SNRNP27: variants seen among roughly 807,000 people sequenced by gnomAD.
SNRNP27 encodes the protein small nuclear ribonucleoprotein U4/U6.U5 subunit 27.
A neutral mutation model predicts 25.1 loss-of-function variants in SNRNP27; 22 were observed. The ratio of observed to expected loss-of-function variants is 0.88; its 90% confidence interval spans 0.63 to 1.25. The LOEUF is 1.25. SNRNP27 is among the 50% of genes most tolerant of loss of function. SNRNP27 has a pLI of 0.00. For missense variants in SNRNP27, 150 were observed against 202.3 expected (o/e 0.74, Z 1.57); for synonymous variants, 66 against 64.9 (o/e 1.02, Z -0.08).
At chr2:69,902,788 C>T (rs2104126681) in intron 4 of SNRNP27, among the ~76,000 whole-genome samples, 1 of 151,976 alleles carries the variant, frequency 6.6e-6, no homozygotes, top group East Asian at 1.9e-4. Context: ...TTCTTTTCTT[C>T]TTCTGCTTTT....
At chr2:69,903,433 C>CTAT (rs1676743511) in intron 5 of SNRNP27, 188 bp downstream of exon 5, 2 of 556,568 alleles carry the variant, frequency 3.6e-6, no homozygotes, top group Non-Finnish European at 6.4e-6. Context: ...AAGCTAATAG[C>CTAT]TATTAGAGAG....
intron 2 of SNRNP27, among the ~76,000 whole-genome samples, chr2:69,895,592 G>C (rs1676586589): frequency 6.6e-6 from 1 of 151,928 alleles, no homozygotes; most frequent in South Asian, 2.1e-4. Flanking sequence ...ACCCAGGCTG[G>C]AGTGCAGCGG....
chr2:69,895,206 A>G lies in SNRNP27; in HGVS notation c.147A>G (p.Arg49=), dbSNP rs1256956992. 6.2e-7 allele frequency: 1 copy of G among 1,613,818 alleles called. No individual in the cohort carries two copies. Among genetic ancestry groups the G allele is most frequent in the South Asian group, 1.1e-5 (1 of 91,026 alleles). The change falls in exon 2 of 6, where the codon AGA becomes AGG. Residue 49 remains arginine (R), a synonymous_variant. Transcript: ENST00000244227. ...GCCGCTCGCGATCCCCGCACCGAAGACGCTCCCGGTAAGGGCAGAAAATAA... is the reference window on the plus strand; with the variant it reads ...GCCGCTCGCGATCCCCGCACCGAAGGCGCTCCCGGTAAGGGCAGAAAATAA... ...RRSRSRSPHR[R]RSRSPRRHRS... is the part of the protein sequence containing the mutation.
intron 1 of SNRNP27, among the ~76,000 whole-genome samples, chr2:69,894,662 C>G (rs774664057): frequency 2.6e-5 from 4 of 151,664 alleles, no homozygotes; most frequent in African/African-American, 9.7e-5. Flanking sequence ...GCCCCTGATT[C>G]GTTTTTTTTT....
Position 69,897,719 on chromosome 2 carries a change from G to C in SNRNP27, c.348+263G>C, listed in dbSNP as rs572261130. On this transcript the variant is annotated intron_variant, in intron 4 of 5. Transcript: ENST00000244227. ...GAGGAAGAAGATTATTTCAGGTAGA[G>C]GGAAGAGCTCATGAAAATGCCATGT... 170 of 374,876 alleles carry C rather than the reference G, an allele frequency of 4.5e-4. No homozygotes were observed. The East Asian group carries it at 8.4e-3, about 19-fold the overall frequency. The allele number at this position is 374,876 out of a possible 1,614,324, so 23.2% of individuals were successfully genotyped here.
At chr2:69,903,410 C>A in intron 5 of SNRNP27, 165 bp downstream of exon 5, 2 of 607,974 alleles carry the variant, frequency 3.3e-6, no homozygotes, top group Admixed American at 2.9e-5. Flanking sequence ...AAATTGTTTT[C>A]CCATTTACAT....
At chr2:69,894,117 C>T in intron 1 of SNRNP27, 99 bp downstream of exon 1, 3 of 1,155,634 alleles carry the variant, frequency 2.6e-6, no homozygotes, top group Non-Finnish European at 2.5e-6. Context: ...AGCAGAGAGG[C>T]GGGCCCTTTT....
intron 4 of SNRNP27, among the ~76,000 whole-genome samples, chr2:69,902,242 C>T (rs1676711862): frequency 6.7e-6 from 1 of 149,718 alleles, no homozygotes; most frequent in Non-Finnish European, 1.5e-5. Context: ...CTTCTTTCTT[C>T]TCCTTCCTCC....
At position 69,903,046 on chromosome 2, in the gene SNRNP27, A is replaced by T. The variant is rs1038564575; in HGVS notation, c.349-135A>T. ...CAGTCCCAAACTCCTGGGCTCAAGC[A>T]ATCCTCCCACCTTAGCCTTCCGCCA... On this transcript the variant is annotated intron_variant, in intron 4 of 5. Coordinates refer to ENST00000244227, the MANE Select transcript of SNRNP27 (RefSeq NM_006857.3). The T allele has an allele frequency of 4.2e-6, 3 of 707,398 alleles. No homozygotes were observed. The Admixed American group carries it at 6.3e-5, about 15-fold the overall frequency. The allele number at this position is 707,398 out of a possible 1,614,324, so 43.8% of individuals were successfully genotyped here. A position where few individuals can be genotyped will look rare whatever the true frequency, so the allele number is the denominator to read the frequency against.
At chr2:69,894,976 C>A (rs1006606746) in intron 1 of SNRNP27, 118 bp from the exon 2 acceptor site, 134 of 1,411,222 alleles carry the variant, frequency 9.5e-5, no homozygotes, top group Non-Finnish European at 1.2e-4. Context: ...CCGCTCCCAG[C>A]CTCTTTTTAC....
At chr2:69,903,351 C>T in intron 5 of SNRNP27, 106 bp downstream of exon 5, 1 of 837,782 alleles carries the variant, frequency 1.2e-6, no homozygotes, top group Admixed American at 1.9e-5. Flanking sequence ...GTTTTCCATA[C>T]TGTTCCTTGT....
chr2:69,897,039 G>A (rs866793952), intron 3 of SNRNP27, among the ~76,000 whole-genome samples: 27 of 152,164 alleles, frequency 1.8e-4, no homozygotes, highest in Middle Eastern at 3.4e-3. Context: ...GATATAGAAC[G>A]ATAGTTAAAA....
rs760753173 is a variant in SNRNP27 at position 69,904,391 on chromosome 2, C to CA, written c.*89dup. On this transcript the variant is annotated 3_prime_UTR_variant, in exon 6 of 6. Coordinates refer to ENST00000244227, the MANE Select transcript of SNRNP27 (RefSeq NM_006857.3). ...TTGTATTTTGTATTTAACTTGCATT[C>CA]AAAAAACAGGATCTCAGTTCTCCTT... is the stretch of plus-strand genomic sequence containing the variant. 1.8e-5 allele frequency: 19 copies of CA among 1,034,982 alleles called. No homozygotes were observed. Among genetic ancestry groups the CA allele is most frequent in the Non-Finnish European group, 2.9e-5 (19 of 660,828 alleles). 64.1% of individuals were successfully genotyped at this position (1,034,982 alleles called of 1,614,324 possible).
rs1676571047 is a variant in SNRNP27, at chr2:69,894,854, G to C, written c.35-240G>C. Among the ~76,000 whole-genome samples the C allele has an allele frequency of 2.0e-5, 3 of 152,040 alleles. No homozygotes were observed. The South Asian group carries it at 6.2e-4, about 31-fold the overall frequency. On this transcript the variant is annotated intron_variant, in intron 1 of 5. Transcript: ENST00000244227. ...GTGCCACCACGCCTGGCTAATTTTT[G>C]TATTTTTATTAGAGACGGGGTTTCG... is the stretch of plus-strand genomic sequence containing the variant.
At chr2:69,903,051 T>C (rs1333656511) in intron 4 of SNRNP27, 130 bp from the exon 5 acceptor site, 1 of 581,664 alleles carries the variant, frequency 1.7e-6, no homozygotes, top group Non-Finnish European at 3.2e-6. Flanking sequence ...CAAGCAATCC[T>C]CCCACCTTAG....
chr2:69,897,119 C>T (rs1476843137), intron 3 of SNRNP27, among the ~76,000 whole-genome samples: 1 of 135,628 alleles, frequency 7.4e-6, no homozygotes, highest in Non-Finnish European at 1.5e-5. Context: ...TAAAGGTAGT[C>T]CTTAATATGA....
At chr2:69,895,419 AGAGT>A (rs1330521685) in intron 2 of SNRNP27, among the ~76,000 whole-genome samples, 1 of 152,256 alleles carries the variant, frequency 6.6e-6, no homozygotes, top group African/African-American at 2.4e-5. Flanking sequence ...TTGTCTTGAA[AGAGT>A]AAGTAAGAAA....
intron 1 of SNRNP27, among the ~76,000 whole-genome samples, chr2:69,894,309 C>T (rs549709167): frequency 5.3e-4 from 80 of 152,136 alleles, no homozygotes; most frequent in Non-Finnish European, 1.0e-3. Flanking sequence ...GACCTCAGTT[C>T]CTTTGCTGAA....
intron 2 of SNRNP27, 118 bp from the exon 3 acceptor site, chr2:69,896,318 C>G (rs935727222): frequency 1.1e-6 from 1 of 933,184 alleles, no homozygotes; most frequent in South Asian, 2.0e-5. Flanking sequence ...CCTTTTTCCT[C>G]ACTTTGCTAT....
Sources: allele counts gnomAD v4.1 joint callset (sites outside exome capture counted in the v4.1 genomes callset), GRCh38; gene constraint gnomAD v4.1.1; transcripts MANE v1.5; gene names NCBI Gene and HGNC (gene_info 2026-07-23, HGNC 2026-07-21).